Variants in CHST2 observed in about 807,000 individuals in gnomAD.
The protein encoded by CHST2 is carbohydrate sulfotransferase 2.
Under a neutral mutation model 34.6 loss-of-function variants are expected in CHST2, and 23 were observed. That is an observed-to-expected ratio of 0.67 (90% confidence interval 0.48 to 0.94). CHST2 has a LOEUF of 0.94. Among genes scored for constraint, CHST2 ranks in the 40% least tolerant of loss-of-function variants. The pLI, the probability that CHST2 is intolerant of heterozygous loss-of-function variation, is 0.00. For synonymous variants in CHST2, 392 were observed against 343.1 expected, an observed-to-expected ratio of 1.14 and a Z score of -1.58; for missense variants, 720 against 759.5, an observed-to-expected ratio of 0.95 and a Z score of 0.61.
rs1298903117 is a variant in CHST2 at position 143,123,616 on chromosome 3, TCAGTG to T, written c.*1210_*1214del. ...TTTTCTTACTTGCTTCCCATTTAAA[TCAGTG>T]CAAGAGAGAATATGAATTTATAATG... is the stretch of plus-strand genomic sequence containing the variant. On this transcript the variant is annotated 3_prime_UTR_variant, in exon 2 of 2. Coordinates refer to ENST00000309575, the MANE Select transcript of CHST2 (RefSeq NM_004267.5). The T allele has an allele frequency of 6.6e-5, 10 of 152,346 alleles. No individual in the cohort carries two copies. In the East Asian group the frequency reaches 1.9e-3, roughly 29 times the overall value. 9.4% of individuals were successfully genotyped at this position (152,346 alleles called of 1,614,324 possible).
At position 143,121,386 on chromosome 3, in the gene CHST2, G is replaced by C; in HGVS notation, c.570G>C (p.Val190=). Residue 190 remains valine, a synonymous_variant, in exon 2 of 2, where the codon GTG becomes GTC. Coordinates refer to ENST00000309575, the MANE Select transcript of CHST2 (RefSeq NM_004267.5). The part of the protein sequence containing the change: ...FGELFNQNPE[V]FFLYEPVWHV... ...AGCTATTCAACCAGAATCCCGAGGTGTTCTTTCTCTACGAGCCAGTGTGGC... is the reference window on the plus strand; with the variant it reads ...AGCTATTCAACCAGAATCCCGAGGTCTTCTTTCTCTACGAGCCAGTGTGGC... 1 of 1,613,720 alleles carries C rather than the reference G, an allele frequency of 6.2e-7. No individual in the cohort carries two copies. Among genetic ancestry groups the C allele is most frequent in the Non-Finnish European group, 8.5e-7 (1 of 1,180,010 alleles).
In CHST2 at chr3:143,120,716, A is replaced by G; in HGVS notation, c.-101A>G. ...GGACCAGCCGCCGCGCCCGCCTCGGAGTCGCGGCCCGAGTCCCGGCGCCAG... is the reference window on the plus strand; with the variant it reads ...GGACCAGCCGCCGCGCCCGCCTCGGGGTCGCGGCCCGAGTCCCGGCGCCAG... On this transcript the variant is annotated 5_prime_UTR_variant, in exon 2 of 2. Coordinates refer to ENST00000309575, the MANE Select transcript of CHST2 (RefSeq NM_004267.5). The surrounding 1 kb of genome is among the most constrained non-coding windows in gnomAD (Gnocchi z 4.1). 1 of 1,097,518 alleles carries G rather than the reference A, an allele frequency of 9.1e-7. No individual in the cohort carries two copies. Among genetic ancestry groups the G allele is most frequent in the East Asian group, 4.0e-5 (1 of 25,144 alleles). 68.0% of individuals were successfully genotyped at this position (1,097,518 alleles called of 1,614,324 possible). A position where few individuals can be genotyped will look rare whatever the true frequency, so the allele number is the denominator to read the frequency against.
At position 143,121,554 on chromosome 3, in the gene CHST2, G is replaced by T; in HGVS notation, c.738G>T (p.Thr246=). ...PAGSGGRNLT[T]LGIFGAATNK... is the part of the protein sequence containing the mutation. ...GCAGCGGGGGGCGCAACCTCACCAC[G>T]CTGGGCATCTTCGGCGCAGCCACCA... is the stretch of plus-strand genomic sequence containing the variant. Residue 246 remains threonine, a synonymous_variant, in exon 2 of 2, where the codon ACG becomes ACT. Transcript: ENST00000309575. The T allele has an allele frequency of 1.9e-6, 3 of 1,610,294 alleles. No homozygotes were observed. Among genetic ancestry groups the T allele is most frequent in the Non-Finnish European group, 2.5e-6 (3 of 1,178,126 alleles).
rs755403863 is a variant in CHST2 at position 143,121,251 on chromosome 3, G to A, written c.435G>A (p.Gly145=). 8 of 1,589,672 alleles carry A rather than the reference G, an allele frequency of 5.0e-6. No homozygotes were observed. The highest frequency in any genetic ancestry group is 1.1e-5 in the South Asian group (1 of 88,444). ...AAPAAAAGMA[G]VAAPPGNGTR... is the part of the protein sequence containing the mutation. The stretch of plus-strand genomic sequence containing the variant: ...CTGCAGCCGCGGCAGGGATGGCGGG[G>A]GTTGCGGCCCCTCCAGGCAATGGCA... Residue 145 remains glycine (G), a synonymous_variant, in exon 2 of 2, where the codon GGG becomes GGA. Transcript: ENST00000309575.
rs1936233319 is a variant in CHST2, at chr3:143,122,043, C to T, written c.1227C>T (p.Ala409=). 2 of 1,613,404 alleles carry T rather than the reference C, an allele frequency of 1.2e-6. No individual in the cohort carries two copies. Among genetic ancestry groups the T allele is most frequent in the Admixed American group, 1.7e-5 (1 of 59,776 alleles). ...GTATGGCTAAGACGCTGCAGACAGC[C>T]CTGCAGCCCCCTGACTGGCTGCAGG... The part of the protein sequence containing the change: ...CNSMAKTLQT[A]LQPPDWLQGH... The change falls in exon 2 of 2, where the codon GCC becomes GCT. Residue 409 remains alanine, a synonymous_variant. Transcript: ENST00000309575.
In CHST2 at chr3:143,120,865, C is replaced by A; in HGVS notation, c.49C>A (p.Leu17Met). The A allele has an allele frequency of 1.0e-5, 14 of 1,383,268 alleles. No individual in the cohort carries two copies. Among genetic ancestry groups the A allele is most frequent in the Non-Finnish European group, 1.3e-5 (14 of 1,074,682 alleles). 85.7% of individuals were successfully genotyped at this position (1,383,268 alleles called of 1,614,324 possible). ...RALPPGALPR[L>M]LQAAPAAAPR... Reference sequence around the variant, plus strand: ...TCTGCCCCCGGGCGCGCTCCCTCGGCTGCTCCAGGCTGCGCCTGCAGCCGC... The same window carrying A: ...TCTGCCCCCGGGCGCGCTCCCTCGGATGCTCCAGGCTGCGCCTGCAGCCGC... The change falls in exon 2 of 2, where the codon CTG becomes ATG. Residue 17 changes from leucine (L) to methionine (M), a missense_variant. Physicochemically the swap from Leu to Met is conservative, Grantham distance 15 (BLOSUM62 2). This residue lies in a region of CHST2 where 287 missense variants were observed against 242.7 expected (regional missense o/e 1.18). Coordinates refer to ENST00000309575, the MANE Select transcript of CHST2 (RefSeq NM_004267.5). The surrounding 1 kb of genome is among the most constrained non-coding windows in gnomAD (Gnocchi z 4.1).
In CHST2 at chr3:143,122,291, T is replaced by A. The variant is rs1936237441; in HGVS notation, c.1475T>A (p.Ile492Asn). ...CGGACCGCCCTCACCTTCCAGCAGATCAAACAGGTGGAGGAGTTTTGCTAC... is the reference window on the plus strand; with the variant it reads ...CGGACCGCCCTCACCTTCCAGCAGAACAAACAGGTGGAGGAGTTTTGCTAC... ...AWRTALTFQQ[I>N]KQVEEFCYQP... Residue 492 changes from isoleucine (I) to asparagine (N), a missense_variant, in exon 2 of 2, where the codon ATC becomes AAC. Ile to Asn is a moderately radical substitution (Grantham distance 149). Transcript: ENST00000309575. 1 of 1,613,934 alleles carries A rather than the reference T, an allele frequency of 6.2e-7. No individual in the cohort carries two copies. Among genetic ancestry groups the A allele is most frequent in the Non-Finnish European group, 8.5e-7 (1 of 1,180,010 alleles).
chr3:143,122,483 A>G lies in CHST2; in HGVS notation c.*74A>G. Reference sequence around the variant, plus strand: ...GATCGTAGTGTGTTTAAATAAACACAGTCCAGACTCAAACGGAGGAAGCCC... The same window carrying G: ...GATCGTAGTGTGTTTAAATAAACACGGTCCAGACTCAAACGGAGGAAGCCC... On this transcript the variant is annotated 3_prime_UTR_variant, in exon 2 of 2. Coordinates refer to ENST00000309575, the MANE Select transcript of CHST2 (RefSeq NM_004267.5). 4 of 1,401,948 alleles carry G rather than the reference A, an allele frequency of 2.9e-6. No homozygotes were observed. Among genetic ancestry groups the G allele is most frequent in the Non-Finnish European group, 3.8e-6 (4 of 1,055,268 alleles). The allele number at this position is 1,401,948 out of a possible 1,614,324, so 86.8% of individuals were successfully genotyped here. A position where few individuals can be genotyped will look rare whatever the true frequency, so the allele number is the denominator to read the frequency against.
chr3:143,121,404 A>G lies in CHST2; in HGVS notation c.588A>G (p.Pro196=). The change falls in exon 2 of 2, where the codon CCA becomes CCG. Residue 196 remains proline, a synonymous_variant. Transcript: ENST00000309575. ...CCGAGGTGTTCTTTCTCTACGAGCC[A>G]GTGTGGCATGTATGGCAAAAACTGT... ...QNPEVFFLYE[P]VWHVWQKLYP... is the part of the protein sequence containing the mutation. 6.2e-7 allele frequency: 1 copy of G among 1,613,896 alleles called. No individual in the cohort carries two copies. The highest frequency in any genetic ancestry group is 8.5e-7 in the Non-Finnish European group (1 of 1,180,016).
Position 143,120,964 on chromosome 3 carries a change from G to A in CHST2, c.148G>A (p.Val50Met). 6.5e-7 allele frequency: 1 copy of A among 1,541,328 alleles called. No individual in the cohort carries two copies. Residue 50 changes from valine to methionine, a missense_variant, in exon 2 of 2, where the codon GTG becomes ATG. Around this residue, in one of 4 missense-constraint regions of CHST2, gnomAD observed 287 missense variants for 242.7 expected, o/e 1.18. Transcript: ENST00000309575. The surrounding 1 kb of genome is among the most constrained non-coding windows in gnomAD (Gnocchi z 4.1). ...RWPASPLGMK[V>M]FRRKALVLCA... ...GCCCGCGTCCCCTCTCGGAATGAAG[G>A]TGTTCCGTAGGAAGGCGCTGGTGTT... is the stretch of plus-strand genomic sequence containing the variant.
rs778246287 is a variant in CHST2, at chr3:143,121,269, C to A, written c.453C>A (p.Gly151=). 3.2e-5 allele frequency: 51 copies of A among 1,603,530 alleles called. No homozygotes were observed. The African/African-American group carries it at 6.3e-4, about 20-fold the overall frequency. The change falls in exon 2 of 2, where the codon GGC becomes GGA. Residue 151 remains glycine, a synonymous_variant. Transcript: ENST00000309575. ...AGMAGVAAPP[G]NGTRGTGGVG... ...TGGCGGGGGTTGCGGCCCCTCCAGGCAATGGCACTCGGGGCACCGGGGGCG... is the reference window on the plus strand; with the variant it reads ...TGGCGGGGGTTGCGGCCCCTCCAGGAAATGGCACTCGGGGCACCGGGGGCG...
chr3:143,121,212 C>G lies in CHST2; in HGVS notation c.396C>G (p.Ala132=). The G allele has an allele frequency of 6.4e-7, 1 of 1,568,650 alleles. No homozygotes were observed. Among genetic ancestry groups the G allele is most frequent in the Non-Finnish European group, 8.6e-7 (1 of 1,161,774 alleles). Residue 132 remains alanine (A), a synonymous_variant, in exon 2 of 2, where the codon GCC becomes GCG. Coordinates refer to ENST00000309575, the MANE Select transcript of CHST2 (RefSeq NM_004267.5). ...CTCCTTACCGCCCTCCCGCTGCCGC[C>G]GTCGGGGCGGCTCCTGCAGCCGCGG... is the stretch of plus-strand genomic sequence containing the variant. The part of the protein sequence containing the change: ...LRTPYRPPAA[A]VGAAPAAAAG...
rs771424735 is a variant in CHST2 at position 143,121,305 on chromosome 3, G to A, written c.489G>A (p.Lys163=). 6.2e-7 allele frequency: 1 copy of A among 1,612,868 alleles called. No homozygotes were observed. Residue 163 remains lysine, a synonymous_variant, in exon 2 of 2, where the codon AAG becomes AAA. Coordinates refer to ENST00000309575, the MANE Select transcript of CHST2 (RefSeq NM_004267.5). ...GTRGTGGVGD[K]RQLVYVFTTW... is the part of the protein sequence containing the mutation. The stretch of plus-strand genomic sequence containing the variant: ...GGGGCACCGGGGGCGTCGGGGACAA[G>A]CGGCAGCTGGTGTACGTGTTCACCA...
In CHST2 at chr3:143,121,166, A is replaced by C; in HGVS notation, c.350A>C (p.His117Pro). The change falls in exon 2 of 2, where the codon CAT becomes CCT. Residue 117 changes from histidine (H) to proline (P), a missense_variant. Around this residue, in one of 4 missense-constraint regions of CHST2, gnomAD observed 287 missense variants for 242.7 expected, o/e 1.18. Coordinates refer to ENST00000309575, the MANE Select transcript of CHST2 (RefSeq NM_004267.5). ...CCTCCGGCCGGGCCGCCCCGTGCTC[A>C]TGCCCGTTTGGACCTCCGCACTCCT... ...GPPPAGPPRA[H>P]ARLDLRTPYR... 1 of 1,498,630 alleles carries C rather than the reference A, an allele frequency of 6.7e-7. No homozygotes were observed. The highest frequency in any genetic ancestry group is 8.8e-7 in the Non-Finnish European group (1 of 1,133,642). 92.8% of individuals were successfully genotyped at this position (1,498,630 alleles called of 1,614,324 possible). A position where few individuals can be genotyped will look rare whatever the true frequency, so the allele number is the denominator to read the frequency against.
Position 143,120,731 on chromosome 3 carries a change from C to A in CHST2, c.-86C>A. 8.6e-7 allele frequency: 1 copy of A among 1,164,014 alleles called. No homozygotes were observed. The highest frequency in any genetic ancestry group is 1.1e-6 in the Non-Finnish European group (1 of 939,956). The allele number at this position is 1,164,014 out of a possible 1,614,324, so 72.1% of individuals were successfully genotyped here. A position where few individuals can be genotyped will look rare whatever the true frequency, so the allele number is the denominator to read the frequency against. On this transcript the variant is annotated 5_prime_UTR_variant, in exon 2 of 2. Coordinates refer to ENST00000309575, the MANE Select transcript of CHST2 (RefSeq NM_004267.5). The surrounding 1 kb of genome is among the most constrained non-coding windows in gnomAD (Gnocchi z 4.1). ...CCCGCCTCGGAGTCGCGGCCCGAGT[C>A]CCGGCGCCAGCAGCCAGCCCGCTGC... is the stretch of plus-strand genomic sequence containing the variant.
chr3:143,120,800 C>A lies in CHST2; in HGVS notation c.-17C>A. 2.4e-6 allele frequency: 3 copies of A among 1,236,584 alleles called. No individual in the cohort carries two copies. The South Asian group carries it at 1.1e-4, about 46-fold the overall frequency. The allele number at this position is 1,236,584 out of a possible 1,614,324, so 76.6% of individuals were successfully genotyped here. On this transcript the variant is annotated 5_prime_UTR_variant, in exon 2 of 2. Coordinates refer to ENST00000309575, the MANE Select transcript of CHST2 (RefSeq NM_004267.5). The surrounding 1 kb of genome is among the most constrained non-coding windows in gnomAD (Gnocchi z 4.1). Reference sequence around the variant, plus strand: ...AGGGCTGCCTCCGCCGCGCCGCCGGCCCGGATTGTGCCTGTGATGAGCCGC... The same window carrying A: ...AGGGCTGCCTCCGCCGCGCCGCCGGACCGGATTGTGCCTGTGATGAGCCGC...
At position 143,123,359 on chromosome 3, in the gene CHST2, G is replaced by C. The variant is rs1441761946; in HGVS notation, c.*950G>C. 4 of 152,166 alleles carry C rather than the reference G, an allele frequency of 2.6e-5. No homozygotes were observed. The highest frequency in any genetic ancestry group is 4.4e-5 in the Non-Finnish European group (3 of 68,038). 9.4% of individuals were successfully genotyped at this position (152,166 alleles called of 1,614,324 possible). On this transcript the variant is annotated 3_prime_UTR_variant, in exon 2 of 2. Transcript: ENST00000309575. ...CAGAGACCAATGTTTTGGTGCTGAG[G>C]CTGGTTCAGAAAAAGGATTTTTAAA... is the stretch of plus-strand genomic sequence containing the variant.
At position 143,123,606 on chromosome 3, in the gene CHST2, C is replaced by T. The variant is rs952071704; in HGVS notation, c.*1197C>T. 6.6e-6 allele frequency: 1 copy of T among 152,184 alleles called. No individual in the cohort carries two copies. The highest frequency in any genetic ancestry group is 2.4e-5 in the African/African-American group (1 of 41,440). The allele number at this position is 152,184 out of a possible 1,614,324, so 9.4% of individuals were successfully genotyped here. The stretch of plus-strand genomic sequence containing the variant: ...GGGTTTTCCCTTTTCTTACTTGCTT[C>T]CCATTTAAATCAGTGCAAGAGAGAA... On this transcript the variant is annotated 3_prime_UTR_variant, in exon 2 of 2. Coordinates refer to ENST00000309575, the MANE Select transcript of CHST2 (RefSeq NM_004267.5).
rs1379833326 is a variant in CHST2 at position 143,121,188 on chromosome 3, T to C, written c.372T>C (p.Thr124=). The C allele has an allele frequency of 3.2e-6, 5 of 1,544,764 alleles. No individual in the cohort carries two copies. Among genetic ancestry groups the C allele is most frequent in the Non-Finnish European group, 4.3e-6 (5 of 1,151,716 alleles). ...PRAHARLDLR[T]PYRPPAAAVG... ...CTCATGCCCGTTTGGACCTCCGCAC[T>C]CCTTACCGCCCTCCCGCTGCCGCCG... Residue 124 remains threonine (T), a synonymous_variant, in exon 2 of 2, where the codon ACT becomes ACC. Coordinates refer to ENST00000309575, the MANE Select transcript of CHST2 (RefSeq NM_004267.5).
Sources: gnomAD v4.1 joint callset for allele counts on GRCh38, gnomAD v4.1.1 for gene constraint, gnomAD v4.1.1 regional missense constraint, Gnocchi (gnomAD v3.1) non-coding constraint, MANE v1.5 for transcripts, NCBI Gene and HGNC (gene_info 2026-07-23, HGNC 2026-07-21) for gene names.